Variants in CORO2B observed in about 807,000 individuals in gnomAD.
CORO2B encodes the protein coronin-2B.
CORO2B carries 26 observed loss-of-function variants against 58.8 expected under a neutral mutation model. That is an observed-to-expected ratio of 0.44 (90% CI 0.32 to 0.61). The LOEUF is 0.61. CORO2B is among the 20% of genes least tolerant of loss of function. The probability of loss-of-function intolerance (pLI) is 0.04; values close to 1 mark genes in which losing one functional copy is unlikely to be tolerated. For synonymous variants in CORO2B, 242 were observed against 253.8 expected, an observed-to-expected ratio of 0.95 and a Z score of 0.44; for missense variants, 460 against 645.1, an observed-to-expected ratio of 0.71 and a Z score of 3.11.
chr15:68,726,108 C>T lies in CORO2B; in HGVS notation c.*134C>T. On this transcript the variant is annotated 3_prime_UTR_variant, in exon 12 of 12. Transcript: ENST00000261861. ...CCAGCCTGAGGACCCCCGCCTACCA[C>T]CTCGAGAACTGGAAGCCAACCTCTA... is the stretch of plus-strand genomic sequence containing the variant. The T allele has an allele frequency of 8.4e-7, 1 of 1,193,352 alleles. No individual in the cohort carries two copies. Among genetic ancestry groups the T allele is most frequent in the South Asian group, 1.4e-5 (1 of 72,474 alleles). The allele number at this position is 1,193,352 out of a possible 1,614,324, so 73.9% of individuals were successfully genotyped here.
At chr15:68,554,594 C>T in the CORO2B span, among the ~76,000 whole-genome samples, 12 of 152,300 alleles carry the variant, frequency 7.9e-5, no homozygotes, top group East Asian at 5.8e-4. Flanking sequence ...TAACAGCCCC[C>T]GCCCCACCAT....
chr15:68,677,062 C>T (rs899735349), intron 2 of CORO2B, among the ~76,000 whole-genome samples: 4 of 152,218 alleles, frequency 2.6e-5, no homozygotes, highest in African/African-American at 4.8e-5. Flanking sequence ...GCATGAGCCA[C>T]GGTGCCCAGT....
chr15:68,648,812 T>C (rs1901541227), intron 2 of CORO2B, among the ~76,000 whole-genome samples: 1 of 152,232 alleles, frequency 6.6e-6, no homozygotes, highest in African/African-American at 2.4e-5. Context: ...GAGCAGGTGC[T>C]CAAATACACT....
intron 2 of CORO2B, among the ~76,000 whole-genome samples, chr15:68,691,682 C>T (rs1417879060): frequency 9.6e-5 from 14 of 145,594 alleles, no homozygotes; most frequent in African/African-American, 3.0e-4. Flanking sequence ...TTTTTTTAAG[C>T]AATGGAGCTC....
chr15:68,658,014 G>A (rs193138317), intron 2 of CORO2B, among the ~76,000 whole-genome samples: 6 of 152,238 alleles, frequency 3.9e-5, no homozygotes, highest in Non-Finnish European at 7.3e-5. Flanking sequence ...CTCCTGTGGG[G>A]CTCCCCAAAC....
At chr15:68,723,015 G>A (rs1176658670) in intron 11 of CORO2B, among the ~76,000 whole-genome samples, 6 of 151,654 alleles carry the variant, frequency 4.0e-5, no homozygotes, top group African/African-American at 9.7e-5. Context: ...TGCAGTGAGC[G>A]GATATTGCAC....
At chr15:68,636,418 T>C (rs1040414604) in intron 1 of CORO2B, among the ~76,000 whole-genome samples, 1 of 152,200 alleles carries the variant, frequency 6.6e-6, no homozygotes, top group African/African-American at 2.4e-5. Flanking sequence ...TGGGCTTGCA[T>C]TGGGTGGTGG....
At position 68,642,786 on chromosome 15, in the gene CORO2B, A is replaced by T. The variant is rs372164333; in HGVS notation, c.16-2374A>T. On this transcript the variant is annotated intron_variant, in intron 1 of 11. Transcript: ENST00000261861. ...GATTCTGAGAAGGTCACTGTGGACT[A>T]TGTAGATCAGAGTGAGTCAGGCCTT... Among the ~76,000 whole-genome samples the T allele has an allele frequency of 2.6e-5, 4 of 152,142 alleles. No homozygotes were observed. The South Asian group carries it at 8.3e-4, about 31-fold the overall frequency.
chr15:68,713,420 G>C (rs978287576), intron 5 of CORO2B, among the ~76,000 whole-genome samples: 3 of 152,198 alleles, frequency 2.0e-5, no homozygotes, highest in Admixed American at 2.0e-4. Context: ...GCTGCACAGT[G>C]CTTAGAACAG....
At chr15:68,721,255 G>A (rs563762800) in intron 11 of CORO2B, among the ~76,000 whole-genome samples, 194 of 152,274 alleles carry the variant, frequency 1.3e-3, no homozygotes, top group African/African-American at 4.5e-3. Context: ...GGGGGAGATT[G>A]GCAGGTAACT....
At chr15:68,705,219 C>A (rs534686829) in intron 3 of CORO2B, among the ~76,000 whole-genome samples, 5 of 152,252 alleles carry the variant, frequency 3.3e-5, no homozygotes, top group African/African-American at 1.2e-4. Flanking sequence ...GTGGATCTCA[C>A]TTGAGGTCAG....
chr15:68,565,809 T>C, the CORO2B span, among the ~76,000 whole-genome samples: 26,405 of 152,248 alleles, frequency 0.17, 2,659 homozygotes, highest in Middle Eastern at 0.28. Context: ...AATACCTGCT[T>C]GGGCTTTGCT....
chr15:68,572,506 C>A, the CORO2B span, among the ~76,000 whole-genome samples: 20 of 152,124 alleles, frequency 1.3e-4, no homozygotes, highest in Non-Finnish European at 5.9e-5. Flanking sequence ...ATCTGTTTTG[C>A]ATGATTTATC....
intron 1 of CORO2B, among the ~76,000 whole-genome samples, chr15:68,642,537 C>T (rs1177672282): frequency 6.6e-6 from 1 of 152,216 alleles, no homozygotes; most frequent in Non-Finnish European, 1.5e-5. Flanking sequence ...GGGCTCCCTT[C>T]ATGGATAGGC....
Position 68,695,193 on chromosome 15 carries a change from G to A in CORO2B, c.270G>A (p.Val90=), listed in dbSNP as rs1347870117. The change falls in exon 3 of 12, where the codon GTG becomes GTA. Residue 90 remains valine, a synonymous_variant. Transcript: ENST00000261861. ...AGGTCTGCGGCCACCAGGGCAATGT[G>A]CTGGATATCAAATGGAACCCCTTCA... The part of the protein sequence containing the change: ...YPKVCGHQGN[V]LDIKWNPFID... 1.2e-6 allele frequency: 2 copies of A among 1,614,038 alleles called. No homozygotes were observed. Among genetic ancestry groups the A allele is most frequent in the East Asian group, 2.2e-5 (1 of 44,894 alleles).
At chr15:68,684,081 G>T (rs973266918) in intron 2 of CORO2B, among the ~76,000 whole-genome samples, 2 of 152,144 alleles carry the variant, frequency 1.3e-5, no homozygotes, top group Non-Finnish European at 2.9e-5. Context: ...ATTGGAGAGA[G>T]AACTGAAAAG....
At chr15:68,597,814 A>G (rs1446802746) in intron 1 of CORO2B, among the ~76,000 whole-genome samples, 1 of 152,100 alleles carries the variant, frequency 6.6e-6, no homozygotes, top group Non-Finnish European at 1.5e-5. Context: ...AGTTAGACCC[A>G]TTGCTCTTGG....
At chr15:68,650,969 A>G (rs1378604367) in intron 2 of CORO2B, among the ~76,000 whole-genome samples, 1 of 151,938 alleles carries the variant, frequency 6.6e-6, no homozygotes, top group African/African-American at 2.4e-5. Context: ...GCCCTCCCTT[A>G]TGTATGTTGC....
intron 1 of CORO2B, among the ~76,000 whole-genome samples, chr15:68,612,039 G>A (rs1336263717): frequency 1.3e-5 from 2 of 152,184 alleles, no homozygotes; most frequent in African/African-American, 4.8e-5. Flanking sequence ...CCAAAGTGCA[G>A]AGGCTATAGG....
Sources: gnomAD v4.1 joint callset for allele counts (sites outside exome capture counted in the v4.1 genomes callset) on GRCh38, gnomAD v4.1.1 for gene constraint, MANE v1.5 for transcripts, NCBI Gene and HGNC (gene_info 2026-07-23, HGNC 2026-07-21) for gene names.